Variants in SULT1A2 observed in about 807,000 individuals in gnomAD.
SULT1A2 encodes sulfotransferase family 1A member 2, also known as sulfotransferase 1A2.
Under a neutral mutation model 36.0 loss-of-function variants are expected in SULT1A2, and 33 were observed. That is an observed-to-expected ratio of 0.92 (90% confidence interval 0.69 to 1.22). SULT1A2 has a LOEUF of 1.22. Ranked by LOEUF, SULT1A2 falls within the 50% of genes most tolerant of loss-of-function variation. The pLI, the probability that SULT1A2 is intolerant of heterozygous loss-of-function variation, is 0.00. For synonymous variants in SULT1A2, 138 were observed against 144.5 expected (o/e 0.96, Z 0.32); for missense variants, 367 against 383.2 (o/e 0.96, Z 0.35).
In SULT1A2 at chr16:28,592,427, A is replaced by G. The variant is rs2047005447; in HGVS notation, c.611T>C (p.Ile204Thr). Reference protein sequence around the residue: ...EDMKENPKREIQKILEFVGRS... With the variant: ...EDMKENPKRETQKILEFVGRS... The stretch of plus-strand genomic sequence containing the variant: ...CCCCACAAACTCCAGGATCTTTTGA[A>G]TCTCCCTTTTGGGGTTCTGAGCAGC... Residue 204 changes from isoleucine (I) to threonine (T), a missense_variant, in exon 7 of 8, where the codon ATT becomes ACT. Ile to Thr is a moderately conservative substitution (Grantham distance 89, BLOSUM62 -1). Coordinates refer to ENST00000335715, the MANE Select transcript of SULT1A2 (RefSeq NM_001054.4). 5.0e-6 allele frequency: 8 copies of G among 1,614,078 alleles called. No individual in the cohort carries two copies. The highest frequency in any genetic ancestry group is 6.8e-6 in the Non-Finnish European group (8 of 1,180,006).
chr16:28,595,511 T>C (rs370598515), intron 3 of SULT1A2, 39 bp downstream of exon 3: 2 of 1,614,018 alleles, frequency 1.2e-6, no homozygotes, highest in Non-Finnish European at 1.7e-6. Flanking sequence ...GCCCCAGCCC[T>C]GTCTTCCTCC....
chr16:28,595,534 C>T lies in SULT1A2; in HGVS notation c.274+16G>A. 1.2e-6 allele frequency: 2 copies of T among 1,614,166 alleles called. No homozygotes were observed. Among genetic ancestry groups the T allele is most frequent in the Non-Finnish European group, 1.7e-6 (2 of 1,180,030 alleles). Reference sequence around the variant, plus strand: ...CCTGTCTTCCTCCACTCCCCTTGCACCCAGGACACACACACCTGAGGGAAT... The same window carrying T: ...CCTGTCTTCCTCCACTCCCCTTGCATCCAGGACACACACACCTGAGGGAAT... On this transcript the variant is annotated intron_variant, in intron 3 of 7. Transcript: ENST00000335715.
rs752800336 is a variant in SULT1A2, at chr16:28,592,290, G to C, written c.748C>G (p.His250Asp). ...TTCCTCATGAAGGGGGAGATGCTGT[G>C]GTCCATGAACTCCCGGCGGACGGTG... ...YTTVRREFMD[H>D]SISPFMRKGM... is the part of the protein sequence containing the mutation. The change falls in exon 7 of 8, where the codon CAC becomes GAC. Residue 250 changes from histidine (H) to aspartate (D), a missense_variant. Coordinates refer to ENST00000335715, the MANE Select transcript of SULT1A2 (RefSeq NM_001054.4). 3.0e-5 allele frequency: 49 copies of C among 1,613,836 alleles called. No homozygotes were observed. Among genetic ancestry groups the C allele is most frequent in the Non-Finnish European group, 4.0e-5 (47 of 1,179,862 alleles).
chr16:28,594,770 C>CTTTTT lies in SULT1A2; in HGVS notation c.372+592_372+596dup, dbSNP rs1033591115. 3.2e-4 allele frequency among the ~76,000 whole-genome samples: 17 copies of CTTTTT among 53,842 alleles called. 2 individuals are homozygous for CTTTTT. Among genetic ancestry groups the CTTTTT allele is most frequent in the East Asian group, 5.3e-4 (1 of 1,882 alleles). 35.3% of individuals were successfully genotyped at this position (53,842 alleles called of 152,430 possible). A position where few individuals can be genotyped will look rare whatever the true frequency, so the allele number is the denominator to read the frequency against. On this transcript the variant is annotated intron_variant, in intron 4 of 7. Coordinates refer to ENST00000335715, the MANE Select transcript of SULT1A2 (RefSeq NM_001054.4). ...AGGCCCAGCCCCCTGCCACCTGCCGCTTTTTTTTTTTTTTTTTTTTTTTTT... is the reference window on the plus strand; with the variant it reads ...AGGCCCAGCCCCCTGCCACCTGCCGCTTTTTTTTTTTTTTTTTTTTTTTTTTTTTT...
chr16:28,595,539 GAC>G lies in SULT1A2; in HGVS notation c.274+9_274+10del, dbSNP rs2047048362. 1.2e-6 allele frequency: 2 copies of G among 1,614,008 alleles called. No homozygotes were observed. Among genetic ancestry groups the G allele is most frequent in the Non-Finnish European group, 1.7e-6 (2 of 1,180,022 alleles). On this transcript the variant is annotated intron_variant, in intron 3 of 7. Coordinates refer to ENST00000335715, the MANE Select transcript of SULT1A2 (RefSeq NM_001054.4). ...CTTCCTCCACTCCCCTTGCACCCAG[GAC>G]ACACACACCTGAGGGAATCCCTGGG...
rs752800336 is a variant in SULT1A2 at position 28,592,290 on chromosome 16, G to T, written c.748C>A (p.His250Asn). Residue 250 changes from histidine (H) to asparagine (N), a missense_variant, in exon 7 of 8, where the codon CAC becomes AAC. By Grantham distance (68) the His-to-Asn change is moderately conservative. Coordinates refer to ENST00000335715, the MANE Select transcript of SULT1A2 (RefSeq NM_001054.4). Reference protein sequence around the residue: ...YTTVRREFMDHSISPFMRKGM... With the variant: ...YTTVRREFMDNSISPFMRKGM... ...TTCCTCATGAAGGGGGAGATGCTGT[G>T]GTCCATGAACTCCCGGCGGACGGTG... 1.0e-4 allele frequency: 161 copies of T among 1,613,836 alleles called. No homozygotes were observed. The highest frequency in any genetic ancestry group is 1.3e-4 in the Non-Finnish European group (158 of 1,179,862).
rs767228809 is a variant in SULT1A2 at position 28,592,380 on chromosome 16, C to T, written c.658G>A (p.Val220Met). ...GACGTGTGCTCAACCATGAGGTCCA[C>T]AGTCTCCTCTGGCAGGGAGCGCCCC... The part of the protein sequence containing the change: ...FVGRSLPEET[V>M]DLMVEHTSFK... Residue 220 changes from valine (V) to methionine (M), a missense_variant, in exon 7 of 8, where the codon GTG (valine) becomes ATG (methionine). Val to Met is a conservative substitution (Grantham distance 21). Coordinates refer to ENST00000335715, the MANE Select transcript of SULT1A2 (RefSeq NM_001054.4). The T allele has an allele frequency of 4.3e-6, 7 of 1,613,998 alleles. No homozygotes were observed. The highest frequency in any genetic ancestry group is 1.3e-5 in the African/African-American group (1 of 74,946).
rs1241198478 is a variant in SULT1A2 at position 28,596,098 on chromosome 16, G to C, written c.-4-164C>G. ...CGGGGCTGGGGCTGAAAACCAGGTC[G>C]GGCTCTAATGTGGTGGTTCCCCAGC... On this transcript the variant is annotated intron_variant, in intron 1 of 7. Coordinates refer to ENST00000335715, the MANE Select transcript of SULT1A2 (RefSeq NM_001054.4). The C allele has an allele frequency of 6.1e-6, 9 of 1,486,046 alleles. No individual in the cohort carries two copies. In the South Asian group the frequency reaches 6.8e-5, roughly 11 times the overall value. The allele number at this position is 1,486,046 out of a possible 1,614,324, so 92.1% of individuals were successfully genotyped here.
rs760931849 is a variant in SULT1A2, at chr16:28,595,461, A to G, written c.278T>C (p.Met93Thr). The change falls in exon 4 of 8, where the codon ATG (methionine) becomes ACG (threonine). Residue 93 changes from methionine to threonine, a missense_variant. By Grantham distance (81) the Met-to-Thr change is moderately conservative. Transcript: ENST00000335715. ...GGCTGGTGTGTTTTTCAGAGTCTCCATCCCTGAGCAGTGGGTCAGGGAAGG... is the reference window on the plus strand; with the variant it reads ...GGCTGGTGTGTTTTTCAGAGTCTCCGTCCCTGAGCAGTGGGTCAGGGAAGG... ...EFKVPGIPSG[M>T]ETLKNTPAPR... 2 of 1,613,998 alleles carry G rather than the reference A, an allele frequency of 1.2e-6. No individual in the cohort carries two copies. Among genetic ancestry groups the G allele is most frequent in the Non-Finnish European group, 1.7e-6 (2 of 1,179,988 alleles).
chr16:28,594,770 CTTTTTTTTTTT>C (rs1033591115), intron 4 of SULT1A2, among the ~76,000 whole-genome samples: 6 of 53,838 alleles, frequency 1.1e-4, no homozygotes, highest in Non-Finnish European at 2.1e-4. Context: ...CCACCTGCCG[CTTTTTTTTTTT>C]TTTTTTTTTT....
chr16:28,596,576 G>A, intron 1 of SULT1A2: 1 of 268,382 alleles, frequency 3.7e-6, no homozygotes, highest in Non-Finnish European at 6.6e-6. Flanking sequence ...TCCTGGGCAG[G>A]GTGGCTCCCA....
intron 1 of SULT1A2, chr16:28,596,211 G>A (rs4115668): frequency 0.32 from 444,476 of 1,373,066 alleles, 75,248 homozygotes; most frequent in Admixed American, 0.35. Context: ...CCCTCGTGGC[G>A]CGGGGCCCAG....
In SULT1A2 at chr16:28,595,445, G is replaced by A. The variant is rs1390373310; in HGVS notation, c.294C>T (p.Asn98=). The change falls in exon 4 of 8, where the codon AAC becomes AAT. Residue 98 remains asparagine (N), a synonymous_variant. Coordinates refer to ENST00000335715, the MANE Select transcript of SULT1A2 (RefSeq NM_001054.4). The stretch of plus-strand genomic sequence containing the variant: ...TCTTCAGGAGTCGTGGGGCTGGTGT[G>A]TTTTTCAGAGTCTCCATCCCTGAGC... ...GIPSGMETLK[N]TPAPRLLKTH... 3.1e-6 allele frequency: 5 copies of A among 1,613,948 alleles called. No individual in the cohort carries two copies. The highest frequency in any genetic ancestry group is 2.7e-5 in the African/African-American group (2 of 74,876).
Position 28,595,563 on chromosome 16 carries a change from T to G in SULT1A2, c.261A>C (p.Pro87=). 6.2e-7 allele frequency: 1 copy of G among 1,614,146 alleles called. No homozygotes were observed. The highest frequency in any genetic ancestry group is 8.5e-7 in the Non-Finnish European group (1 of 1,180,020). The part of the protein sequence containing the change: ...MRVPFLEFKV[P]GIPSGMETLK... ...GGACACACACACCTGAGGGAATCCC[T>G]GGGACTTTGAACTCAAGGAAGGGCA... Residue 87 remains proline, a synonymous_variant, in exon 3 of 8, where the codon CCA becomes CCC. Transcript: ENST00000335715.
At chr16:28,596,391 C>T in intron 1 of SULT1A2, 1 of 1,077,766 alleles carries the variant, frequency 9.3e-7, no homozygotes, top group South Asian at 2.1e-5. Context: ...CTCCTTGAGC[C>T]CCTCGGCCCC....
In SULT1A2 at chr16:28,595,666, C is replaced by T; in HGVS notation, c.158G>A (p.Trp53Ter). ...ISTYPKSGTTWVSQILDMIYQ... is the reference protein window; with the variant it reads ...ISTYPKSGTT ...GATCATGTCCAGAATCTGGCTCACC[C>T]AGGTGGTGCCTGGAGAGGGAGGGAG... The change falls in exon 3 of 8, where the codon TGG becomes TAG. Residue 53 changes from tryptophan (W) to a stop codon, truncating the protein, a stop_gained. Coordinates refer to ENST00000335715, the MANE Select transcript of SULT1A2 (RefSeq NM_001054.4). LOFTEE classifies it high-confidence loss of function. 6.2e-7 allele frequency: 1 copy of T among 1,614,146 alleles called. No homozygotes were observed. Among genetic ancestry groups the T allele is most frequent in the South Asian group, 1.1e-5 (1 of 91,082 alleles).
chr16:28,596,491 G>T, intron 1 of SULT1A2: 1 of 618,404 alleles, frequency 1.6e-6, no homozygotes, highest in Non-Finnish European at 2.2e-6. Flanking sequence ...AGCCCATTGA[G>T]CAACTGAGCT....
intron 4 of SULT1A2, among the ~76,000 whole-genome samples, chr16:28,594,770 C>CTTTTTTTTTTTTTTTTTTTTTTTTTTTTT (rs1033591115): frequency 1.9e-5 from 1 of 53,850 alleles, no homozygotes; most frequent in Non-Finnish European, 3.5e-5. Context: ...CCACCTGCCG[C>CTTTTTTTTTTTTTTTTTTTTTTTTTTTTT]TTTTTTTTTT....
intron 1 of SULT1A2, chr16:28,596,372 G>A (rs374585182): frequency 3.4e-5 from 38 of 1,113,908 alleles, no homozygotes; most frequent in East Asian, 3.0e-4. Flanking sequence ...TCCTCTCCCC[G>A]ATGTTCCCCT....
Sources: allele counts gnomAD v4.1 joint callset (sites outside exome capture counted in the v4.1 genomes callset), GRCh38; gene constraint gnomAD v4.1.1; transcripts MANE v1.5; gene names NCBI Gene and HGNC (gene_info 2026-07-23, HGNC 2026-07-21).